Variants in NGLY1 observed in about 807,000 individuals in gnomAD.
NGLY1 encodes peptide-N(4)-(N-acetyl-beta-glucosaminyl)asparagine amidase.
In NGLY1, 68 loss-of-function variants were observed where a neutral mutation model predicts 84.6. That is an observed-to-expected ratio of 0.80 (90% CI 0.66 to 0.98). NGLY1 has a LOEUF of 0.98. Among genes scored for constraint, NGLY1 ranks in the 50% least tolerant of loss-of-function variants. The pLI is 0.00. For missense variants in NGLY1, 779 were observed against 770.2 expected, an observed-to-expected ratio of 1.01 and a Z score of -0.14; for synonymous variants, 280 against 275.2, an observed-to-expected ratio of 1.02 and a Z score of -0.17.
rs374184658 is a variant in NGLY1 at position 25,739,663 on chromosome 3, C to G, written c.795G>C (p.Leu265=). 1 of 1,614,078 alleles carries G rather than the reference C, an allele frequency of 6.2e-7. No individual in the cohort carries two copies. Among genetic ancestry groups the G allele is most frequent in the Admixed American group, 1.7e-5 (1 of 59,996 alleles). The change falls in exon 5 of 12, where the codon CTG becomes CTC. Residue 265 remains leucine (L), a synonymous_variant. Transcript: ENST00000280700. Reference sequence around the variant, plus strand: ...CCCACTTCAGCTCATCATCACTGGGCAGTAATGATCTATCTCTAGACCTAG... The same window carrying G: ...CCCACTTCAGCTCATCATCACTGGGGAGTAATGATCTATCTCTAGACCTAG... ...GQTRSRDRSL[L]PSDDELKWGA... is the part of the protein sequence containing the mutation.
chr3:25,754,787 G>GTT lies in NGLY1; in HGVS notation c.493-3525_493-3524insAA, dbSNP rs1262998597. 126 of 272,428 alleles carry GTT rather than the reference G, an allele frequency of 4.6e-4. 1 individual carries two copies. The highest frequency in any genetic ancestry group is 3.1e-3 in the African/African-American group (101 of 32,860). The allele number at this position is 272,428 out of a possible 1,614,324, so 16.9% of individuals were successfully genotyped here. On this transcript the variant is annotated intron_variant, in intron 3 of 11. Transcript: ENST00000280700. ...AAAGAACACATTAGAGATGACTCGT[G>GTT]CTTTTTTTTTTTTTTTTTGATACGA...
At chr3:25,783,597 G>A (rs1394555814), upstream of NGLY1, 56 of 438,980 alleles carry the variant, frequency 1.3e-4, 1 homozygote, top group African/African-American at 1.1e-3. This position sits in a 1 kb window ranked among gnomAD's most constrained non-coding sequence, Gnocchi z 4.5. Flanking sequence ...TCGGCCGGCA[G>A]GGGCGGGGTC....
upstream of NGLY1, chr3:25,783,459 C>A (rs1283663439): frequency 2.9e-6 from 4 of 1,373,904 alleles, no homozygotes; most frequent in Non-Finnish European, 3.8e-6. This position sits in a 1 kb window ranked among gnomAD's most constrained non-coding sequence, Gnocchi z 4.5. Context: ...GGCGCCTCAG[C>A]GCGCAGCAGC....
intron 3 of NGLY1, among the ~76,000 whole-genome samples, chr3:25,755,960 C>T (rs1296003431): frequency 2.0e-5 from 3 of 152,168 alleles, no homozygotes; most frequent in Admixed American, 2.0e-4. Flanking sequence ...GACAGCAGCA[C>T]CTAAGTTTTA....
exon 1 of NGLY1, chr3:25,789,939 A>T (rs2125337492): frequency 6.5e-7 from 1 of 1,535,534 alleles, no homozygotes; most frequent in Non-Finnish European, 8.8e-7. Flanking sequence ...TCACGCAAAC[A>T]GCTACCCAGC....
At chr3:25,739,536 CA>C (rs766273064) in intron 5 of NGLY1, 40 bp downstream of exon 5, 2 of 1,559,186 alleles carry the variant, frequency 1.3e-6, no homozygotes, top group African/African-American at 2.7e-5. Flanking sequence ...CTAACTATTT[CA>C]TTAAGAGATT....
At chr3:25,754,930 A>G in intron 3 of NGLY1, 1 of 717,548 alleles carries the variant, frequency 1.4e-6, no homozygotes, top group Non-Finnish European at 2.6e-6. Context: ...ATAACATGGA[A>G]TTGGGCAAGA....
intron 10 of NGLY1, among the ~76,000 whole-genome samples, chr3:25,721,111 C>A (rs1458028511): frequency 6.6e-6 from 1 of 152,118 alleles, no homozygotes; most frequent in African/African-American, 2.4e-5. Context: ...TTATTTTAGA[C>A]ACAGGGTCTC....
intron 3 of NGLY1, among the ~76,000 whole-genome samples, chr3:25,758,512 G>A (rs1329519792): frequency 2.0e-5 from 3 of 152,132 alleles, no homozygotes; most frequent in African/African-American, 7.2e-5. Flanking sequence ...CAGGAGGTCA[G>A]AGCTGCAGTG....
chr3:25,734,520 T>C (rs1272182809), intron 7 of NGLY1: 1 of 149,944 alleles, frequency 6.7e-6, no homozygotes, highest in Non-Finnish European at 1.5e-5. Flanking sequence ...CTGGCCAACA[T>C]GGTGAAACCC....
chr3:25,782,965 C>G lies in NGLY1; in HGVS notation c.131+295G>C. 1.7e-5 allele frequency: 6 copies of G among 359,788 alleles called. No homozygotes were observed. In the South Asian group the frequency reaches 1.9e-4, roughly 12 times the overall value. 22.3% of individuals were successfully genotyped at this position (359,788 alleles called of 1,614,324 possible). On this transcript the variant is annotated intron_variant, in intron 1 of 11. Transcript: ENST00000280700. ...GTGTCTGAAGCACGCCTTCCTACCT[C>G]TCCTCCGCCCGGCCCCGCTTCCGGG...
chr3:25,749,331 A>G (rs770099458), intron 4 of NGLY1, among the ~76,000 whole-genome samples: 1 of 152,262 alleles, frequency 6.6e-6, no homozygotes, highest in Non-Finnish European at 1.5e-5. Flanking sequence ...AATAGCCAAA[A>G]TATTGAAACA....
At position 25,749,475 on chromosome 3, in the gene NGLY1, C is replaced by T; in HGVS notation, c.658+1623G>A. ...CTGCCTACAGAGGTGGCAGCCATCT[C>T]CTCTTCGGCCTCATGGCCGCCCTCA... On this transcript the variant is annotated intron_variant, in intron 4 of 11. Coordinates refer to ENST00000280700, the MANE Select transcript of NGLY1 (RefSeq NM_018297.4). 4 of 1,437,792 alleles carry T rather than the reference C, an allele frequency of 2.8e-6. No homozygotes were observed. In the South Asian group the frequency reaches 4.6e-5, roughly 16 times the overall value. 89.1% of individuals were successfully genotyped at this position (1,437,792 alleles called of 1,614,324 possible).
intron 4 of NGLY1, among the ~76,000 whole-genome samples, chr3:25,745,688 C>T (rs1341134845): frequency 6.6e-6 from 1 of 152,174 alleles, no homozygotes; most frequent in Non-Finnish European, 1.5e-5. Flanking sequence ...ACCCTCTTAT[C>T]CCTCTTATGT....
intron 4 of NGLY1, among the ~76,000 whole-genome samples, chr3:25,747,997 G>C (rs1201773065): frequency 6.6e-6 from 1 of 152,130 alleles, no homozygotes; most frequent in Non-Finnish European, 1.5e-5. Flanking sequence ...GAAAAGATGG[G>C]AAGAGTAAGA....
Position 25,764,079 on chromosome 3 carries a change from G to C in NGLY1, c.479C>G (p.Pro160Arg). Residue 160 changes from proline to arginine, a missense_variant, in exon 3 of 12, where the codon CCA becomes CGA. By Grantham distance (103) the Pro-to-Arg change is moderately radical. Transcript: ENST00000280700. Reference sequence around the variant, plus strand: ...TTCTAACATTACCGTTGAAGCAGATGGTGGATCTGATGACTGCCCTTGACG... The same window carrying C: ...TTCTAACATTACCGTTGAAGCAGATCGTGGATCTGATGACTGCCCTTGACG... ...RNRQGQSSDP[P>R]SASTVAADSA... The C allele has an allele frequency of 6.2e-7, 1 of 1,614,092 alleles. No homozygotes were observed. The highest frequency in any genetic ancestry group is 8.5e-7 in the Non-Finnish European group (1 of 1,179,974).
At chr3:25,721,851 C>G (rs953937044) in intron 10 of NGLY1, among the ~76,000 whole-genome samples, 1 of 151,252 alleles carries the variant, frequency 6.6e-6, no homozygotes, top group Non-Finnish European at 1.5e-5. Context: ...TACTATACTC[C>G]TTTATACTGC....
At position 25,719,286 on chromosome 3, in the gene NGLY1, T is replaced by A. The variant is rs1704855771; in HGVS notation, c.*174A>T. On this transcript the variant is annotated 3_prime_UTR_variant, in exon 12 of 12. Transcript: ENST00000280700. Reference sequence around the variant, plus strand: ...ATATGGAAGAAAGGTTTTAATTCAATATTTTATTATAGTCCACGTATAAAG... The same window carrying A: ...ATATGGAAGAAAGGTTTTAATTCAAAATTTTATTATAGTCCACGTATAAAG... 1 of 468,214 alleles carries A rather than the reference T, an allele frequency of 2.1e-6. No homozygotes were observed. The highest frequency in any genetic ancestry group is 3.7e-5 in the Admixed American group (1 of 27,138). The allele number at this position is 468,214 out of a possible 1,614,324, so 29.0% of individuals were successfully genotyped here. A position where few individuals can be genotyped will look rare whatever the true frequency, so the allele number is the denominator to read the frequency against.
intron 10 of NGLY1, among the ~76,000 whole-genome samples, chr3:25,726,768 A>G (rs1559529657): frequency 6.6e-6 from 1 of 152,228 alleles, no homozygotes; most frequent in South Asian, 2.1e-4. Context: ...AAGGATTAGG[A>G]CAGAGGGAGA....
Sources: gnomAD v4.1 joint callset for allele counts (sites outside exome capture counted in the v4.1 genomes callset) on GRCh38, gnomAD v4.1.1 for gene constraint, Gnocchi (gnomAD v3.1) non-coding constraint, MANE v1.5 for transcripts, NCBI Gene and HGNC (gene_info 2026-07-23, HGNC 2026-07-21) for gene names.